The following WDFY3 variants were observed in gnomAD, a reference collection of about 807,000 sequenced individuals.
WDFY3 encodes the protein WD repeat and FYVE domain-containing protein 3.
Under a neutral mutation model 409.6 loss-of-function variants are expected in WDFY3, and 66 were observed. The observed-to-expected ratio is 0.16, with a 90% CI of 0.13 to 0.20. WDFY3 has a LOEUF of 0.20. Ranked by LOEUF, WDFY3 falls within the 10% of genes least tolerant of loss-of-function variation. WDFY3 has a pLI of 1.00. For synonymous variants in WDFY3, 1,521 were observed against 1,537.1 expected (o/e 0.99, Z 0.25); for missense variants, 3,031 against 4,298.1 (o/e 0.71, Z 8.24).
At chr4:84,715,511 A>C in intron 49 of WDFY3, 128 bp from the exon 50 acceptor site, 4 of 532,402 alleles carry the variant, frequency 7.5e-6, no homozygotes, top group Non-Finnish European at 1.3e-5. Flanking sequence ...GCGGTGGCTC[A>C]TGCCTGTAAT....
intron 15 of WDFY3, among the ~76,000 whole-genome samples, chr4:84,805,163 A>G (rs1172980040): frequency 1.3e-5 from 2 of 152,206 alleles, no homozygotes; most frequent in Non-Finnish European, 2.9e-5. Context: ...TATATGCAAC[A>G]TAAGTAAATT....
chr4:84,760,571 G>C (rs1434615466), intron 32 of WDFY3, among the ~76,000 whole-genome samples: 1 of 152,180 alleles, frequency 6.6e-6, no homozygotes, highest in African/African-American at 2.4e-5. Context: ...ATTTCTTCTA[G>C]ATTTTCTAGT....
At chr4:84,686,962 CTTCT>C (rs958265679) in intron 62 of WDFY3, among the ~76,000 whole-genome samples, 48 of 151,962 alleles carry the variant, frequency 3.2e-4, no homozygotes, top group Admixed American at 9.2e-4. Flanking sequence ...TTTTATTTGA[CTTCT>C]TTCATTTATT....
chr4:84,852,102 C>G (rs1274943852), intron 4 of WDFY3, among the ~76,000 whole-genome samples: 1 of 152,128 alleles, frequency 6.6e-6, no homozygotes, highest in Non-Finnish European at 1.5e-5. Flanking sequence ...GTGGCCAACC[C>G]CATAACTTTT....
At chr4:84,878,985 C>T (rs931433998) in intron 3 of WDFY3, among the ~76,000 whole-genome samples, 13 of 152,084 alleles carry the variant, frequency 8.5e-5, no homozygotes, top group Admixed American at 3.9e-4. Context: ...TTTACTCTGC[C>T]GATAATGTGG....
intron 21 of WDFY3, among the ~76,000 whole-genome samples, chr4:84,792,491 T>A (rs1400747264): frequency 1.3e-5 from 2 of 152,232 alleles, no homozygotes; most frequent in African/African-American, 4.8e-5. Flanking sequence ...GACTTAGGTT[T>A]GAACTAAGAC....
In WDFY3 at chr4:84,797,646, T is replaced by A. The variant is rs1049402110; in HGVS notation, c.2935+350A>T. Among the ~76,000 whole-genome samples, 17 of 152,116 alleles carry A rather than the reference T, an allele frequency of 1.1e-4. No individual in the cohort carries two copies. The East Asian group carries it at 3.3e-3, about 29-fold the overall frequency. On this transcript the variant is annotated intron_variant, in intron 18 of 67. Transcript: ENST00000295888. ...CCCAGGCTGGAGTGCAGTGGCGCGA[T>A]CTCGGCTCACTGCAAGCTCTGCCTC...
In WDFY3 at chr4:84,788,582, C is replaced by A. The variant is rs549107629; in HGVS notation, c.3670-869G>T. Among the ~76,000 whole-genome samples, 36 of 152,242 alleles carry A rather than the reference C, an allele frequency of 2.4e-4. No individual in the cohort carries two copies. The East Asian group carries it at 6.9e-3, about 29-fold the overall frequency. Reference sequence around the variant, plus strand: ...AAATCAATGACTATTCCACAAGGTGCATTTTAGGGTTTATCATATTGAAAC... The same window carrying A: ...AAATCAATGACTATTCCACAAGGTGAATTTTAGGGTTTATCATATTGAAAC... On this transcript the variant is annotated intron_variant, in intron 22 of 67. Coordinates refer to ENST00000295888, the MANE Select transcript of WDFY3 (RefSeq NM_014991.6).
chr4:84,702,797 G>A (rs1446496211), intron 55 of WDFY3, among the ~76,000 whole-genome samples: 1 of 152,226 alleles, frequency 6.6e-6, no homozygotes, highest in African/African-American at 2.4e-5. Flanking sequence ...GGACAAGGCT[G>A]TAAGAAATAT....
intron 2 of WDFY3, among the ~76,000 whole-genome samples, chr4:84,904,962 G>A (rs916871257): frequency 7.5e-5 from 11 of 146,922 alleles, no homozygotes; most frequent in South Asian, 2.2e-4. Flanking sequence ...TGGTCCCTGG[G>A]GCCCAGCTGT....
chr4:84,958,747 C>T (rs932885333), intron 1 of WDFY3, among the ~76,000 whole-genome samples: 3 of 152,186 alleles, frequency 2.0e-5, no homozygotes, highest in African/African-American at 7.2e-5. Flanking sequence ...TCACCTTGAC[C>T]TCATGGTTCA....
rs144232043 is a variant in WDFY3 at position 84,749,233 on chromosome 4, C to A, written c.5973+2250G>T. On this transcript the variant is annotated intron_variant, in intron 36 of 67. Coordinates refer to ENST00000295888, the MANE Select transcript of WDFY3 (RefSeq NM_014991.6). ...TCTTCATGGATAAAGACTTCATAAT[C>A]ATAATTTTCAAAATCATATGTTTAT... Among the ~76,000 whole-genome samples the A allele has an allele frequency of 1.6e-4, 25 of 152,228 alleles. No homozygotes were observed. In the East Asian group the frequency reaches 4.8e-3, roughly 29 times the overall value.
At chr4:84,679,657 C>T (rs564292612) in intron 64 of WDFY3, among the ~76,000 whole-genome samples, 6 of 152,158 alleles carry the variant, frequency 3.9e-5, no homozygotes, top group Middle Eastern at 3.4e-3. Flanking sequence ...CTGTGGGTTC[C>T]GATGTCACCT....
chr4:84,721,859 C>A (rs764610208), intron 46 of WDFY3, among the ~76,000 whole-genome samples: 36 of 152,010 alleles, frequency 2.4e-4, no homozygotes, highest in Admixed American at 5.2e-4. Flanking sequence ...ACAACAACAA[C>A]AAAAAACATG....
intron 45 of WDFY3, among the ~76,000 whole-genome samples, chr4:84,726,291 TA>T (rs1421425526): frequency 6.6e-6 from 1 of 152,164 alleles, no homozygotes; most frequent in Non-Finnish European, 1.5e-5. Flanking sequence ...TTCTGTGTTC[TA>T]AAAAACTACA....
chr4:84,670,132 G>A lies in WDFY3; in HGVS notation c.*2736C>T, dbSNP rs1056993417. On this transcript the variant is annotated 3_prime_UTR_variant, in exon 68 of 68. Transcript: ENST00000295888. ...TTATCCAGACGGATGGCTGCTATGG[G>A]CAGCTATTCTCTTCTTCAAAAGCAT... 6.6e-6 allele frequency: 1 copy of A among 152,612 alleles called. No homozygotes were observed. Among genetic ancestry groups the A allele is most frequent in the Admixed American group, 6.5e-5 (1 of 15,280 alleles). 9.5% of individuals were successfully genotyped at this position (152,612 alleles called of 1,614,324 possible).
At chr4:84,736,647 G>T (rs755634459) in intron 41 of WDFY3, among the ~76,000 whole-genome samples, 5 of 151,764 alleles carry the variant, frequency 3.3e-5, no homozygotes, top group Non-Finnish European at 7.4e-5. Flanking sequence ...GGTATACTTC[G>T]CAACTTAGAA....
chr4:84,771,266 TA>T (rs1744635117), intron 30 of WDFY3, among the ~76,000 whole-genome samples: 1 of 152,144 alleles, frequency 6.6e-6, no homozygotes. Context: ...GCCTTCTGAG[TA>T]GCTGGGTCTA....
At chr4:84,681,651 G>A (rs1196194185) in intron 64 of WDFY3, among the ~76,000 whole-genome samples, 1 of 152,102 alleles carries the variant, frequency 6.6e-6, no homozygotes. Flanking sequence ...GCCAATCATG[G>A]AGAAACAATC....
Sources: gnomAD v4.1 joint callset for allele counts (sites outside exome capture counted in the v4.1 genomes callset) on GRCh38, gnomAD v4.1.1 for gene constraint, MANE v1.5 for transcripts, NCBI Gene and HGNC (gene_info 2026-07-23, HGNC 2026-07-21) for gene names.